Variants in GREB1L observed in about 807,000 individuals in gnomAD.
GREB1L encodes the protein GREB1 like retinoic acid receptor coactivator, also known as GREB1-like protein.
GREB1L carries 17 observed loss-of-function variants against 200.8 expected under a neutral mutation model. The ratio of observed to expected loss-of-function variants is 0.08; its 90% confidence interval spans 0.06 to 0.13. The LOEUF (loss-of-function observed/expected upper bound fraction) is 0.13. Ranked by LOEUF, GREB1L falls within the 10% of genes least tolerant of loss-of-function variation. The pLI is 1.00. For missense variants in GREB1L, 1,657 were observed against 2,367.7 expected, an observed-to-expected ratio of 0.70 and a Z score of 6.23; for synonymous variants, 789 against 893.0, an observed-to-expected ratio of 0.88 and a Z score of 2.08.
At chr18:21,278,384 AAAAAAAAATAAATAAATAAAT>A (rs1567919249) in intron 1 of GREB1L, among the ~76,000 whole-genome samples, 1 of 127,084 alleles carries the variant, frequency 7.9e-6, no homozygotes, top group African/African-American at 3.5e-5. Context: ...CCATCTCAAA[AAAAAAAAATAAATAAATAAAT>A]AAATAAATAA....
intron 13 of GREB1L, chr18:21,451,469 CCTTCCTTCCTTTTTTTTTT>C (rs2034517194): frequency 6.2e-6 from 1 of 160,848 alleles, no homozygotes; most frequent in East Asian, 1.8e-4. Context: ...TTCCTTCTTT[CCTTCCTTCCTTTTTTTTTT>C]TTTTTTTTTT....
At chr18:21,306,976 T>C (rs1472062206) in intron 1 of GREB1L, among the ~76,000 whole-genome samples, 1 of 152,262 alleles carries the variant, frequency 6.6e-6, no homozygotes, top group Admixed American at 6.5e-5. Flanking sequence ...AGGAATCTTC[T>C]TAGATTCTAC....
At chr18:21,399,901 T>G (rs770428904) in intron 5 of GREB1L, among the ~76,000 whole-genome samples, 2 of 152,220 alleles carry the variant, frequency 1.3e-5, no homozygotes, top group Non-Finnish European at 2.9e-5. Flanking sequence ...TTGTGAAATA[T>G]TCTATCTTTA....
At chr18:21,395,987 C>T (rs960400308) in intron 5 of GREB1L, among the ~76,000 whole-genome samples, 1 of 151,754 alleles carries the variant, frequency 6.6e-6, no homozygotes, top group African/African-American at 2.4e-5. Flanking sequence ...CTCGGACACC[C>T]AAAGTGATGG....
At chr18:21,396,933 T>C (rs1220108363) in intron 5 of GREB1L, among the ~76,000 whole-genome samples, 3 of 152,206 alleles carry the variant, frequency 2.0e-5, no homozygotes, top group African/African-American at 7.2e-5. Flanking sequence ...ATAGATGAAA[T>C]CATGTTTCAG....
chr18:21,502,250 CAA>C (rs1156864566), intron 23 of GREB1L, among the ~76,000 whole-genome samples: 28 of 95,228 alleles, frequency 2.9e-4, no homozygotes, highest in Admixed American at 3.5e-4. Context: ...GACTCTGTCT[CAA>C]AAAAAAAAAA....
Position 21,391,202 on chromosome 18 carries a change from T to C in GREB1L, c.356-4183T>C, listed in dbSNP as rs144891868. Reference sequence around the variant, plus strand: ...TGCAAGCTCTGTTTTAAGTGACTTATACAGGTGTGTCATTTTTTATCTTTT... The same window carrying C: ...TGCAAGCTCTGTTTTAAGTGACTTACACAGGTGTGTCATTTTTTATCTTTT... On this transcript the variant is annotated intron_variant, in intron 4 of 32. Transcript: ENST00000424526. Among the ~76,000 whole-genome samples, 16 of 152,352 alleles carry C rather than the reference T, an allele frequency of 1.1e-4. No individual in the cohort carries two copies. The East Asian group carries it at 2.5e-3, about 24-fold the overall frequency.
rs551473535 is a variant in GREB1L, at chr18:21,312,534, T to TTTTATTTA, written c.-119-53465_-119-53458dup. Among the ~76,000 whole-genome samples the TTTTATTTA allele has an allele frequency of 5.2e-3, 788 of 150,554 alleles. 12 individuals carry two copies. The highest frequency in any genetic ancestry group is 0.017 in the African/African-American group (692 of 40,650). ...ATAACCATTCTTTTTTTATTCTTTA[T>TTTTATTTA]TTTATTTATTTATTTATTTATTTAT... On this transcript the variant is annotated intron_variant, in intron 1 of 32. Transcript: ENST00000424526.
intron 15 of GREB1L, 145 bp from the exon 16 acceptor site, chr18:21,472,886 C>A: frequency 1.9e-6 from 1 of 532,374 alleles, no homozygotes; most frequent in Non-Finnish European, 3.3e-6. Context: ...TGATGGGGAA[C>A]ATAAGAAAGA....
chr18:21,410,308 T>A (rs2030807804), intron 7 of GREB1L, among the ~76,000 whole-genome samples: 1 of 151,994 alleles, frequency 6.6e-6, no homozygotes, highest in Admixed American at 6.6e-5. Context: ...TGTAGAAAAA[T>A]ATGTCAAATT....
intron 7 of GREB1L, among the ~76,000 whole-genome samples, chr18:21,427,250 T>G (rs2032688356): frequency 6.6e-6 from 1 of 152,070 alleles, no homozygotes; most frequent in Non-Finnish European, 1.5e-5. Context: ...ATACCTATAA[T>G]CCCTGCACTT....
rs1174986253 is a variant in GREB1L at position 21,495,627 on chromosome 18, TA to T, written c.3031-40del. The T allele has an allele frequency of 2.7e-6, 3 of 1,096,436 alleles. No homozygotes were observed. In the Admixed American group the frequency reaches 7.1e-5, roughly 26 times the overall value. 67.9% of individuals were successfully genotyped at this position (1,096,436 alleles called of 1,614,324 possible). The stretch of plus-strand genomic sequence containing the variant: ...GAAGCCTGTAAAAAAGGTGGAAACT[TA>T]AATGAGAGTTTTAATTTTAACATAC... On this transcript the variant is annotated intron_variant, in intron 19 of 32. Transcript: ENST00000424526.
intron 27 of GREB1L, among the ~76,000 whole-genome samples, chr18:21,512,448 C>T (rs558951352): frequency 2.6e-5 from 4 of 152,214 alleles, no homozygotes; most frequent in African/African-American, 7.2e-5. Flanking sequence ...GTAAATGGAA[C>T]TCTTGATTTC....
In GREB1L at chr18:21,441,411, T is replaced by C; in HGVS notation, c.1081T>C (p.Ser361Pro). The C allele has an allele frequency of 6.5e-7, 1 of 1,535,846 alleles. No homozygotes were observed. Among genetic ancestry groups the C allele is most frequent in the Non-Finnish European group, 8.8e-7 (1 of 1,142,670 alleles). ...RPLSRTEPLL[S>P]APVPQTPLTG... The stretch of plus-strand genomic sequence containing the variant: ...TTTTTTTTTTCCAGAGCCCCTTTTA[T>C]CTGCCCCAGTTCCACAGACCCCACT... Residue 361 changes from serine to proline, a missense_variant, in exon 10 of 33, where the codon TCT (serine) becomes CCT (proline). By Grantham distance (74) the Ser-to-Pro change is moderately conservative. Coordinates refer to ENST00000424526, the MANE Select transcript of GREB1L (RefSeq NM_001142966.3).
intron 1 of GREB1L, among the ~76,000 whole-genome samples, chr18:21,349,064 G>A (rs1466327710): frequency 5.3e-5 from 8 of 152,188 alleles, no homozygotes; most frequent in African/African-American, 1.9e-4. Context: ...GAATTTCTCA[G>A]TGCACAATGA....
At chr18:21,319,328 C>T (rs549866468) in intron 1 of GREB1L, among the ~76,000 whole-genome samples, 4 of 152,308 alleles carry the variant, frequency 2.6e-5, no homozygotes, top group Non-Finnish European at 4.4e-5. Flanking sequence ...CTCTTTCTTT[C>T]GGTTAACCAA....
At chr18:21,439,945 T>C (rs2033801716) in intron 8 of GREB1L, among the ~76,000 whole-genome samples, 1 of 152,248 alleles carries the variant, frequency 6.6e-6, no homozygotes, top group Admixed American at 6.5e-5. Flanking sequence ...AAATCTGAAC[T>C]TTCCTTTCTC....
intron 1 of GREB1L, among the ~76,000 whole-genome samples, chr18:21,277,744 C>T (rs1170424575): frequency 3.3e-5 from 5 of 152,116 alleles, no homozygotes; most frequent in African/African-American, 9.7e-5. Context: ...CACACCATGC[C>T]GTGCTGCACC....
At chr18:21,395,872 GGT>G (rs2041038330) in intron 5 of GREB1L, among the ~76,000 whole-genome samples, 1 of 151,010 alleles carries the variant, frequency 6.6e-6, no homozygotes. Context: ...TGGGACTACA[GGT>G]GCATGCCACC....
Sources: allele counts gnomAD v4.1 joint callset (sites outside exome capture counted in the v4.1 genomes callset), GRCh38; gene constraint gnomAD v4.1.1; transcripts MANE v1.5; gene names NCBI Gene and HGNC (gene_info 2026-07-23, HGNC 2026-07-21).